The following MAP7 variants were observed in gnomAD, a reference collection of about 807,000 sequenced individuals.
MAP7 encodes ensconsin.
MAP7 carries 52 observed loss-of-function variants against 94.8 expected under a neutral mutation model. That is an observed-to-expected ratio of 0.55 (90% CI 0.44 to 0.69). The LOEUF is 0.69. Ranked by LOEUF, MAP7 falls within the 30% of genes least tolerant of loss-of-function variation. The pLI is 0.00. For synonymous variants in MAP7, 350 were observed against 357.0 expected, an observed-to-expected ratio of 0.98 and a Z score of 0.22; for missense variants, 940 against 964.6, an observed-to-expected ratio of 0.97 and a Z score of 0.34.
intron 1 of MAP7, among the ~76,000 whole-genome samples, chr6:136,457,374 G>A (rs1803662735): frequency 6.6e-6 from 1 of 151,142 alleles, no homozygotes; most frequent in South Asian, 2.1e-4. Flanking sequence ...TGGCTTCACT[G>A]GTGAATTCCA....
At chr6:136,392,271 G>T (rs1014928717) in intron 3 of MAP7, among the ~76,000 whole-genome samples, 2 of 151,736 alleles carry the variant, frequency 1.3e-5, no homozygotes, top group Non-Finnish European at 2.9e-5. Context: ...TAGAGATAAG[G>T]TTTTGCCATA....
Position 136,506,735 on chromosome 6 carries a change from G to T in MAP7, c.67+43607C>A, listed in dbSNP as rs980511061. 2.6e-5 allele frequency among the ~76,000 whole-genome samples: 4 copies of T among 152,268 alleles called. No homozygotes were observed. The South Asian group carries it at 8.3e-4, about 32-fold the overall frequency. ...CGGGTGTTAAAGCAAACTAAATATG[G>T]CCTGAAGACTTCGTTCTATATTTGA... On this transcript the variant is annotated intron_variant, in intron 1 of 17. Transcript: ENST00000354570.
chr6:136,415,674 T>G (rs1405244825), intron 2 of MAP7, among the ~76,000 whole-genome samples: 4 of 152,242 alleles, frequency 2.6e-5, no homozygotes, highest in Admixed American at 6.5e-5. Context: ...TCATTTCATA[T>G]GAAAATTATA....
chr6:136,525,939 C>T lies in MAP7; in HGVS notation c.67+24403G>A, dbSNP rs1015929841. ...ATTGGTCTTCTTCAGTCTCTCATGT[C>T]GGAGAGCTGTAGCTGATCCAGGCAT... On this transcript the variant is annotated intron_variant, in intron 1 of 17. Transcript: ENST00000354570. 8 of 1,532,154 alleles carry T rather than the reference C, an allele frequency of 5.2e-6. No homozygotes were observed. The highest frequency in any genetic ancestry group is 2.0e-5 in the Admixed American group (1 of 50,650). The allele number at this position is 1,532,154 out of a possible 1,614,324, so 94.9% of individuals were successfully genotyped here.
chr6:136,444,974 G>A (rs892846868), intron 1 of MAP7, among the ~76,000 whole-genome samples: 2 of 152,108 alleles, frequency 1.3e-5, no homozygotes, highest in African/African-American at 2.4e-5. Context: ...GAGATGTGTC[G>A]ACTAACTGCT....
intron 1 of MAP7, among the ~76,000 whole-genome samples, chr6:136,456,831 A>G (rs1230007582): frequency 1.7e-5 from 2 of 121,164 alleles, no homozygotes; most frequent in Admixed American, 1.7e-4. Flanking sequence ...AGGAAGAAGA[A>G]GAAGAAGAAG....
intron 16 of MAP7, among the ~76,000 whole-genome samples, chr6:136,355,135 A>G (rs954605203): frequency 6.6e-6 from 1 of 152,166 alleles, no homozygotes; most frequent in Non-Finnish European, 1.5e-5. Context: ...AGATAACACC[A>G]CTGCATCCAG....
intron 1 of MAP7, among the ~76,000 whole-genome samples, chr6:136,542,825 C>T (rs546430842): frequency 4.6e-5 from 7 of 152,290 alleles, no homozygotes; most frequent in Admixed American, 2.6e-4. Flanking sequence ...TCAACACCAC[C>T]TCCAGGCTTT....
At position 136,365,758 on chromosome 6, in the gene MAP7, G is replaced by C. The variant is rs1171061984; in HGVS notation, c.1250C>G (p.Pro417Arg). ...VEEATVEERT[P>R]AEPEVGPAAP... ...ACCAGGGCCAACTTCTGGTTCAGCA[G>C]GTGTCCGCTCTTCAACTGTGGCTTC... Residue 417 changes from proline to arginine, a missense_variant, in exon 10 of 18, where the codon CCT (proline) becomes CGT (arginine). By Grantham distance (103) the Pro-to-Arg change is moderately radical. Transcript: ENST00000354570. The C allele has an allele frequency of 1.2e-6, 2 of 1,614,004 alleles. No individual in the cohort carries two copies. Among genetic ancestry groups the C allele is most frequent in the African/African-American group, 2.7e-5 (2 of 74,982 alleles).
At chr6:136,423,191 G>C (rs1791943544) in intron 1 of MAP7, among the ~76,000 whole-genome samples, 1 of 152,184 alleles carries the variant, frequency 6.6e-6, no homozygotes, top group Non-Finnish European at 1.5e-5. Context: ...CACCCATGCA[G>C]GTTTGAGTGT....
chr6:136,540,042 GTGATAATCAAAGCACAAGT>G (rs1829180917), intron 1 of MAP7, among the ~76,000 whole-genome samples: 1 of 151,986 alleles, frequency 6.6e-6, no homozygotes, highest in Non-Finnish European at 1.5e-5. Context: ...ACAATTTGAG[GTGATAATCAAAGCACAAGT>G]TGAATAATCC....
chr6:136,383,821 G>T, intron 5 of MAP7, 40 bp from the exon 6 acceptor site: 1 of 1,219,580 alleles, frequency 8.2e-7, no homozygotes, highest in South Asian at 1.3e-5. Flanking sequence ...CAGCCAACAT[G>T]TAGGATTGCA....
At chr6:136,527,782 C>G (rs945494891) in intron 1 of MAP7, among the ~76,000 whole-genome samples, 2 of 152,136 alleles carry the variant, frequency 1.3e-5, no homozygotes, top group East Asian at 3.8e-4. Context: ...TGTATCTACT[C>G]TTATTGTCCA....
At chr6:136,541,357 G>A (rs1385551229) in intron 1 of MAP7, among the ~76,000 whole-genome samples, 1 of 152,078 alleles carries the variant, frequency 6.6e-6, no homozygotes, top group Non-Finnish European at 1.5e-5. Flanking sequence ...ACAGTGTTGG[G>A]GAAATGAGTT....
chr6:136,413,021 G>T (rs1439064336), intron 2 of MAP7, among the ~76,000 whole-genome samples: 1 of 152,042 alleles, frequency 6.6e-6, no homozygotes, highest in Non-Finnish European at 1.5e-5. Context: ...AATTAACCAG[G>T]TATGGCAGCG....
intron 1 of MAP7, among the ~76,000 whole-genome samples, chr6:136,478,930 C>T (rs1371735556): frequency 3.0e-5 from 4 of 132,830 alleles, no homozygotes; most frequent in Non-Finnish European, 6.2e-5. Flanking sequence ...GGAGGGAGTA[C>T]TTCCAAAGTC....
chr6:136,515,656 T>C (rs1365978272), intron 1 of MAP7, among the ~76,000 whole-genome samples: 1 of 152,158 alleles, frequency 6.6e-6, no homozygotes, highest in Non-Finnish European at 1.5e-5. Flanking sequence ...GCTGGGTTGG[T>C]GGAGTAGTCA....
intron 1 of MAP7, among the ~76,000 whole-genome samples, chr6:136,453,211 C>T (rs1801733369): frequency 6.6e-6 from 1 of 152,154 alleles, no homozygotes; most frequent in Non-Finnish European, 1.5e-5. Context: ...AACTAACAAG[C>T]CACTGGAAAT....
chr6:136,442,047 A>G (rs1017204625), intron 1 of MAP7, among the ~76,000 whole-genome samples: 6 of 151,820 alleles, frequency 4.0e-5, no homozygotes, highest in Non-Finnish European at 7.4e-5. Flanking sequence ...ATTTCAAACT[A>G]CAAAGTAAAT....
Sources: allele counts gnomAD v4.1 joint callset (sites outside exome capture counted in the v4.1 genomes callset), GRCh38; gene constraint gnomAD v4.1.1; transcripts MANE v1.5; gene names NCBI Gene and HGNC (gene_info 2026-07-23, HGNC 2026-07-21).